Variants in ROR2 observed in about 807,000 individuals in gnomAD.
ROR2 encodes tyrosine-protein kinase transmembrane receptor ROR2.
ROR2 carries 33 observed loss-of-function variants against 74.9 expected under a neutral mutation model. The observed-to-expected ratio is 0.44, with a 90% CI of 0.33 to 0.59. The LOEUF is 0.59. Ranked by LOEUF, ROR2 falls within the 20% of genes least tolerant of loss-of-function variation. The pLI is 0.02. For synonymous variants in ROR2, 586 were observed against 558.7 expected (o/e 1.05, Z -0.69); for missense variants, 1,216 against 1,313.8 (o/e 0.93, Z 1.15).
intron 1 of ROR2, among the ~76,000 whole-genome samples, chr9:91,922,303 C>T (rs1831291204): frequency 6.6e-6 from 1 of 151,770 alleles, no homozygotes; most frequent in African/African-American, 2.4e-5. Context: ...TAGGTATGTA[C>T]CCAAAAGAAA....
chr9:91,855,447 G>A (rs1829249589), intron 1 of ROR2, among the ~76,000 whole-genome samples: 1 of 152,208 alleles, frequency 6.6e-6, no homozygotes. Flanking sequence ...GATCATGCAG[G>A]CTGAAAAGTC....
chr9:91,936,797 G>A (rs1436795514), intron 1 of ROR2, among the ~76,000 whole-genome samples: 4 of 151,846 alleles, frequency 2.6e-5, no homozygotes, highest in South Asian at 2.1e-4. Context: ...TTGGGAGGCC[G>A]AGGCGGGCGG....
At chr9:91,859,076 T>C (rs370128334) in intron 1 of ROR2, among the ~76,000 whole-genome samples, 3 of 151,750 alleles carry the variant, frequency 2.0e-5, no homozygotes, top group African/African-American at 4.9e-5. Flanking sequence ...TCCAGCCAAG[T>C]ACAAGGCCCA....
intron 1 of ROR2, among the ~76,000 whole-genome samples, chr9:91,853,921 G>A (rs1198472102): frequency 1.3e-5 from 2 of 152,168 alleles, no homozygotes; most frequent in Non-Finnish European, 2.9e-5. Context: ...AGTGTTCCTT[G>A]GCCAATATCT....
At chr9:91,768,984 A>G (rs1246877227) in intron 2 of ROR2, among the ~76,000 whole-genome samples, 3 of 152,156 alleles carry the variant, frequency 2.0e-5, no homozygotes, top group Admixed American at 6.5e-5. Context: ...CAACCTGGAC[A>G]TCTCATGTTT....
chr9:91,730,899 A>G lies in ROR2; in HGVS notation c.1183+11T>C. 1.2e-6 allele frequency: 2 copies of G among 1,613,994 alleles called. No individual in the cohort carries two copies. The highest frequency in any genetic ancestry group is 1.1e-5 in the South Asian group (1 of 91,056). Reference sequence around the variant, plus strand: ...ATCAACACATTAAAAAAAGAGAGAGAGAATACATACTACACGAGGGTACGT... The same window carrying G: ...ATCAACACATTAAAAAAAGAGAGAGGGAATACATACTACACGAGGGTACGT... On this transcript the variant is annotated intron_variant, in intron 7 of 8. Transcript: ENST00000375708.
intron 1 of ROR2, among the ~76,000 whole-genome samples, chr9:91,860,087 G>A (rs1188857556): frequency 6.6e-6 from 1 of 152,200 alleles, no homozygotes; most frequent in Non-Finnish European, 1.5e-5. Context: ...GTCTGAGGAA[G>A]GCACAGGGAG....
At chr9:91,844,537 G>A (rs1420330854) in intron 1 of ROR2, among the ~76,000 whole-genome samples, 6 of 152,222 alleles carry the variant, frequency 3.9e-5, no homozygotes, top group Admixed American at 2.0e-4. Flanking sequence ...TGGGAAGGAC[G>A]CAATTCAGTC....
intron 2 of ROR2, among the ~76,000 whole-genome samples, chr9:91,770,377 G>A (rs560612479): frequency 3.3e-5 from 5 of 152,324 alleles, no homozygotes; most frequent in South Asian, 2.1e-4. Flanking sequence ...CGGTCAGCAC[G>A]GGGGCCCACC....
At chr9:91,879,608 G>A (rs1587814617) in intron 1 of ROR2, among the ~76,000 whole-genome samples, 4 of 152,032 alleles carry the variant, frequency 2.6e-5, no homozygotes, top group Admixed American at 6.6e-5. Flanking sequence ...ATACACTCAC[G>A]CACTTATGCA....
intron 1 of ROR2, among the ~76,000 whole-genome samples, chr9:91,849,815 A>G (rs1221956577): frequency 1.3e-5 from 2 of 152,186 alleles, no homozygotes; most frequent in Admixed American, 6.5e-5. Flanking sequence ...TGCCTGTAGG[A>G]ATATCGTGTT....
chr9:91,786,710 C>T (rs900777866), intron 1 of ROR2, among the ~76,000 whole-genome samples: 1 of 152,152 alleles, frequency 6.6e-6, no homozygotes, highest in East Asian at 1.9e-4. Flanking sequence ...TCTCTAGATT[C>T]GCCTCAGAAC....
At chr9:91,853,812 G>A (rs1037475039) in intron 1 of ROR2, among the ~76,000 whole-genome samples, 4 of 152,192 alleles carry the variant, frequency 2.6e-5, no homozygotes, top group Non-Finnish European at 5.9e-5. Context: ...ATGGGGCTGT[G>A]GGCAGCAAGG....
chr9:91,934,171 G>C (rs1206538880), intron 1 of ROR2, among the ~76,000 whole-genome samples: 4 of 152,050 alleles, frequency 2.6e-5, no homozygotes, highest in Non-Finnish European at 5.9e-5. Context: ...CTCAGTTTTG[G>C]TTTCTTTTTC....
chr9:91,923,839 CCT>C (rs1223519466), intron 1 of ROR2: 1 of 152,196 alleles, frequency 6.6e-6, no homozygotes, highest in African/African-American at 2.4e-5. Flanking sequence ...TTCCAAGCTC[CCT>C]GAGTTCCTTG....
At chr9:91,760,508 C>G (rs1564257588) in intron 2 of ROR2, among the ~76,000 whole-genome samples, 1 of 152,154 alleles carries the variant, frequency 6.6e-6, no homozygotes, top group East Asian at 1.9e-4. Context: ...GTGGCGGGCG[C>G]CTGTACTCCT....
chr9:91,780,405 A>C lies in ROR2; in HGVS notation c.98-4587T>G, dbSNP rs1236351721. Among the ~76,000 whole-genome samples the C allele has an allele frequency of 3.3e-5, 5 of 151,780 alleles. No homozygotes were observed. In the South Asian group the frequency reaches 6.2e-4, roughly 19 times the overall value. ...AAAAAATGAAAGAAAGAAAGAAAGAAATTATATAACCATCAAACAAAACTC... is the reference window on the plus strand; with the variant it reads ...AAAAAATGAAAGAAAGAAAGAAAGACATTATATAACCATCAAACAAAACTC... On this transcript the variant is annotated intron_variant, in intron 1 of 8. Transcript: ENST00000375708.
At chr9:91,774,922 A>G (rs567178096) in intron 2 of ROR2, among the ~76,000 whole-genome samples, 1 of 152,336 alleles carries the variant, frequency 6.6e-6, no homozygotes, top group African/African-American at 2.4e-5. Context: ...CTATAGGACT[A>G]TTGGGTCGGT....
At chr9:91,729,023 C>T (rs900963864) in intron 7 of ROR2, among the ~76,000 whole-genome samples, 1 of 151,438 alleles carries the variant, frequency 6.6e-6, no homozygotes, top group African/African-American at 2.4e-5. Flanking sequence ...ATTGACTGGT[C>T]CAAAATCATA....
Sources: allele counts gnomAD v4.1 joint callset (sites outside exome capture counted in the v4.1 genomes callset), GRCh38; gene constraint gnomAD v4.1.1; transcripts MANE v1.5; gene names NCBI Gene and HGNC (gene_info 2026-07-23, HGNC 2026-07-21).